The following UNC79 variants were observed in gnomAD, a reference collection of about 807,000 sequenced individuals.
UNC79 encodes protein unc-79 homolog.
Under a neutral mutation model 283.1 loss-of-function variants are expected in UNC79, and 37 were observed. That is an observed-to-expected ratio of 0.13 (90% CI 0.10 to 0.17). The LOEUF is 0.17. UNC79 is among the 10% of genes least tolerant of loss of function. UNC79 has a pLI of 1.00. For synonymous variants in UNC79, 1,107 were observed against 1,200.2 expected, an observed-to-expected ratio of 0.92 and a Z score of 1.61; for missense variants, 2,272 against 3,211.1, an observed-to-expected ratio of 0.71 and a Z score of 7.07.
intron 14 of UNC79, among the ~76,000 whole-genome samples, chr14:93,564,277 T>C (rs1189597330): frequency 6.6e-6 from 1 of 152,164 alleles, no homozygotes; most frequent in East Asian, 1.9e-4. Context: ...TGAGTTTATA[T>C]AATGGTTTTG....
chr14:93,378,925 T>C (rs1258758909), intron 1 of UNC79, among the ~76,000 whole-genome samples: 2 of 152,148 alleles, frequency 1.3e-5, no homozygotes, highest in Non-Finnish European at 2.9e-5. Flanking sequence ...AAGATGAGAC[T>C]CAAAAGGCCA....
chr14:93,449,618 TA>T (rs755543140), intron 1 of UNC79, among the ~76,000 whole-genome samples: 494 of 136,298 alleles, frequency 3.6e-3, no homozygotes, highest in Middle Eastern at 7.5e-3. Flanking sequence ...ACCTTGTCTC[TA>T]AAAAAAAAAA....
chr14:93,334,541 TG>T (rs2053533440), intron 1 of UNC79: 1 of 152,236 alleles, frequency 6.6e-6, no homozygotes, highest in Admixed American at 6.5e-5. Flanking sequence ...GTCCACCTCT[TG>T]TTCCACACTT....
intron 29 of UNC79, among the ~76,000 whole-genome samples, chr14:93,618,837 G>C (rs1018547950): frequency 6.6e-6 from 1 of 152,104 alleles, no homozygotes; most frequent in Non-Finnish European, 1.5e-5. Flanking sequence ...AAACATTTTT[G>C]CTGCATAGGT....
intron 1 of UNC79, among the ~76,000 whole-genome samples, chr14:93,446,775 G>T (rs753412612): frequency 6.6e-6 from 1 of 152,042 alleles, no homozygotes; most frequent in African/African-American, 2.4e-5. Context: ...TTCTATTTTT[G>T]TTAGAGAATA....
At chr14:93,416,795 T>C (rs1476105125) in intron 1 of UNC79, among the ~76,000 whole-genome samples, 1 of 152,216 alleles carries the variant, frequency 6.6e-6, no homozygotes, top group Non-Finnish European at 1.5e-5. Flanking sequence ...TTGTCTCTTT[T>C]GATCTTTGTT....
At chr14:93,347,237 T>C (rs1449605643) in intron 1 of UNC79, 2 of 1,580,410 alleles carry the variant, frequency 1.3e-6, no homozygotes, top group Non-Finnish European at 8.6e-7. Context: ...ACCTGTGCTG[T>C]CCACGCCTGG....
rs60757202 is a variant in UNC79 at position 93,420,178 on chromosome 14, TAA to T, written c.-350-47480_-350-47479del. Among the ~76,000 whole-genome samples the T allele has an allele frequency of 4.9e-3, 508 of 103,832 alleles. 1 individual carries two copies. Among genetic ancestry groups the T allele is most frequent in the African/African-American group, 0.015 (468 of 30,824 alleles). The allele number at this position is 103,832 out of a possible 152,430, so 68.1% of individuals were successfully genotyped here. The stretch of plus-strand genomic sequence containing the variant: ...AAAAGACATGGAATGGCTGAACAGA[TAA>T]AAAAAAAAAAAAGACCCAATGATCT... On this transcript the variant is annotated intron_variant, in intron 1 of 49. Coordinates refer to the UNC79 transcript ENST00000256339.
intron 46 of UNC79, 116 bp downstream of exon 49, chr14:93,692,062 C>T (rs866350673): frequency 2.5e-5 from 30 of 1,211,416 alleles, no homozygotes; most frequent in African/African-American, 9.0e-5. Flanking sequence ...ATAAATGGAT[C>T]GGGGATATGT....
At position 93,531,231 on chromosome 14, in the gene UNC79, T is replaced by C. The variant is rs914394496; in HGVS notation, c.1094-1319T>C. On this transcript the variant is annotated intron_variant, in intron 10 of 48. Coordinates refer to ENST00000555664, the Ensembl canonical transcript of UNC79. This position sits in a 1 kb window ranked among gnomAD's most constrained non-coding sequence, Gnocchi z 4.2. ...TAAGATAAACTCTAGGATATCAAAC[T>C]GTCAAGTAACCATTAATTATACAAA... 1.3e-5 allele frequency among the ~76,000 whole-genome samples: 2 copies of C among 152,248 alleles called. No homozygotes were observed. The highest frequency in any genetic ancestry group is 2.4e-5 in the African/African-American group (1 of 41,468).
intron 1 of UNC79, among the ~76,000 whole-genome samples, chr14:93,407,510 G>T (rs2055250400): frequency 6.6e-6 from 1 of 152,140 alleles, no homozygotes; most frequent in Non-Finnish European, 1.5e-5. Context: ...AAAGTGCTGA[G>T]AAAAATCTCA....
chr14:93,575,428 C>T (rs2063418394), intron 17 of UNC79, among the ~76,000 whole-genome samples: 1 of 152,160 alleles, frequency 6.6e-6, no homozygotes, highest in Non-Finnish European at 1.5e-5. Context: ...TTTTAGCTTT[C>T]TCCCTTGATG....
At position 93,586,705 on chromosome 14, in the gene UNC79, G is replaced by A. The variant is rs760926687; in HGVS notation, c.2883+30G>A. The A allele has an allele frequency of 1.9e-6, 3 of 1,612,858 alleles. No homozygotes were observed. The African/African-American group carries it at 4.0e-5, about 22-fold the overall frequency. On this transcript the variant is annotated intron_variant, in intron 21 of 48. Transcript: ENST00000555664. Reference sequence around the variant, plus strand: ...ATTTTCTGATGTCTTTGAATACTTGGCTTGGTAGCATTACTGTTTTGGATA... The same window carrying A: ...ATTTTCTGATGTCTTTGAATACTTGACTTGGTAGCATTACTGTTTTGGATA...
chr14:93,363,125 C>T (rs2054259263), intron 1 of UNC79, among the ~76,000 whole-genome samples: 1 of 152,146 alleles, frequency 6.6e-6, no homozygotes, highest in African/African-American at 2.4e-5. Flanking sequence ...CTTCTTAACA[C>T]TGCTTTAGCT....
At chr14:93,466,909 G>T (rs1377565815) in intron 1 of UNC79, 1 of 985,254 alleles carries the variant, frequency 1.0e-6, no homozygotes, top group African/African-American at 1.7e-5. Flanking sequence ...GGTAGGTCTA[G>T]GAGGGTAAAT....
intron 1 of UNC79, among the ~76,000 whole-genome samples, chr14:93,372,494 C>A (rs1163510399): frequency 2.0e-5 from 3 of 152,188 alleles, no homozygotes; most frequent in Non-Finnish European, 4.4e-5. Context: ...ATCATGCTAA[C>A]CTCAACCAAG....
intron 1 of UNC79, among the ~76,000 whole-genome samples, chr14:93,442,999 A>G (rs1365027902): frequency 6.6e-6 from 1 of 151,652 alleles, no homozygotes; most frequent in Non-Finnish European, 1.5e-5. Context: ...TGAGGTGGGC[A>G]TATCACTTTA....
intron 1 of UNC79, among the ~76,000 whole-genome samples, chr14:93,338,916 C>CA (rs111873704): frequency 0.014 from 2,117 of 151,692 alleles, 44 homozygotes; most frequent in African/African-American, 0.047. Context: ...CAAAAACAAA[C>CA]AAAAAAAACT....
intron 14 of UNC79, among the ~76,000 whole-genome samples, chr14:93,553,367 C>T (rs989817381): frequency 6.6e-6 from 1 of 152,110 alleles, no homozygotes; most frequent in African/African-American, 2.4e-5. Flanking sequence ...GAAATTAACT[C>T]CTGTTCTGCT....
Sources: allele counts gnomAD v4.1 joint callset (sites outside exome capture counted in the v4.1 genomes callset), GRCh38; gene constraint gnomAD v4.1.1; non-coding constraint Gnocchi (gnomAD v3.1); transcripts MANE v1.5; gene names NCBI Gene and HGNC (gene_info 2026-07-23, HGNC 2026-07-21).